Variants in CLDN10 observed in about 807,000 individuals in gnomAD.
CLDN10 encodes the protein claudin-10.
In CLDN10, 15 loss-of-function variants were observed where a neutral mutation model predicts 22.9. The ratio of observed to expected loss-of-function variants is 0.65; its 90% CI spans 0.44 to 1.01. The LOEUF is 1.01. Ranked by LOEUF, CLDN10 falls within the 50% of genes least tolerant of loss-of-function variation. CLDN10 has a pLI of 0.00. For synonymous variants in CLDN10, 114 were observed against 111.4 expected, an observed-to-expected ratio of 1.02 and a Z score of -0.15; for missense variants, 247 against 287.8, an observed-to-expected ratio of 0.86 and a Z score of 1.03.
intron 1 of CLDN10, among the ~76,000 whole-genome samples, chr13:95,525,785 C>T (rs111406705): frequency 6.6e-6 from 1 of 152,158 alleles, no homozygotes; most frequent in Non-Finnish European, 1.5e-5. Flanking sequence ...AGCTACCATG[C>T]CCAGCCCAAC....
chr13:95,523,434 T>C (rs1185085876), intron 1 of CLDN10, among the ~76,000 whole-genome samples: 3 of 152,234 alleles, frequency 2.0e-5, no homozygotes, highest in Non-Finnish European at 4.4e-5. Flanking sequence ...TTAAGTTTAC[T>C]CACACATTTG....
intron 1 of CLDN10, among the ~76,000 whole-genome samples, chr13:95,451,403 G>T (rs1210982427): frequency 2.0e-5 from 3 of 152,094 alleles, no homozygotes; most frequent in Non-Finnish European, 2.9e-5. Flanking sequence ...AGGGACTTTT[G>T]TCTTCATAGG....
chr13:95,579,730 A>T lies in CLDN10; in HGVS notation c.*1716A>T, dbSNP rs2043988254. The T allele has an allele frequency of 6.6e-6, 1 of 152,246 alleles. No homozygotes were observed. Among genetic ancestry groups the T allele is most frequent in the African/African-American group, 2.4e-5 (1 of 41,458 alleles). The allele number at this position is 152,246 out of a possible 1,614,324, so 9.4% of individuals were successfully genotyped here. ...AGGAAATGAACAAGTTTGTTAAAAG[A>T]TAAAAAATAAAAAAAATTCCATACC... On this transcript the variant is annotated 3_prime_UTR_variant, in exon 5 of 5. Coordinates refer to ENST00000299339, the MANE Select transcript of CLDN10 (RefSeq NM_006984.5).
intron 1 of CLDN10, among the ~76,000 whole-genome samples, chr13:95,537,937 A>G (rs763776166): frequency 6.6e-6 from 1 of 152,216 alleles, no homozygotes. Flanking sequence ...CTAGAACCCA[A>G]AACTACATCC....
rs139899251 is a variant in CLDN10 at position 95,515,388 on chromosome 13, C to T, written c.215-44744C>T. Among the ~76,000 whole-genome samples the T allele has an allele frequency of 7.4e-4, 112 of 152,122 alleles. 1 individual carries two copies. Among genetic ancestry groups the T allele is most frequent in the Middle Eastern group, 3.4e-3 (1 of 294 alleles). ...TAATTTTTTGTATTTTTAGTAGAGACGGGGTTTTGCCATGTTGGCCAGGCT... is the reference window on the plus strand; with the variant it reads ...TAATTTTTTGTATTTTTAGTAGAGATGGGGTTTTGCCATGTTGGCCAGGCT... On this transcript the variant is annotated intron_variant, in intron 1 of 4. Coordinates refer to the CLDN10 transcript ENST00000376873.
intron 1 of CLDN10, among the ~76,000 whole-genome samples, chr13:95,493,845 G>C (rs1314208331): frequency 6.6e-6 from 1 of 151,988 alleles, no homozygotes; most frequent in Non-Finnish European, 1.5e-5. Context: ...CAGGTGTGAG[G>C]CACCATGCCC....
chr13:95,446,055 G>C (rs769625359), intron 1 of CLDN10, among the ~76,000 whole-genome samples: 1 of 152,146 alleles, frequency 6.6e-6, no homozygotes, highest in African/African-American at 2.4e-5. Context: ...AAATATATAG[G>C]GCACAGAGTG....
In CLDN10 at chr13:95,532,500, T is replaced by C. The variant is rs548107154; in HGVS notation, c.215-27632T>C. Among the ~76,000 whole-genome samples the C allele has an allele frequency of 1.4e-3, 207 of 152,234 alleles. 1 individual carries two copies. Among genetic ancestry groups the C allele is most frequent in the African/African-American group, 4.8e-3 (199 of 41,550 alleles). ...AACAAGAGACTGATAACATCTAACG[T>C]TGGCAAGAATGTAGAGTACCTGCAA... On this transcript the variant is annotated intron_variant, in intron 1 of 4. Transcript: ENST00000376873.
intron 1 of CLDN10, among the ~76,000 whole-genome samples, chr13:95,487,553 A>G (rs1007699689): frequency 6.6e-6 from 1 of 152,224 alleles, no homozygotes; most frequent in Admixed American, 6.5e-5. Flanking sequence ...GAAATTTTTC[A>G]TTATAGAGAA....
At position 95,443,034 on chromosome 13, in the gene CLDN10, A is replaced by G. The variant is rs562382726; in HGVS notation, c.214+8987A>G. Among the ~76,000 whole-genome samples the G allele has an allele frequency of 5.4e-4, 83 of 152,336 alleles. No individual in the cohort carries two copies. In the South Asian group the frequency reaches 0.017, roughly 31 times the overall value. ...TGTTTTACGAAGTGCTTTCACATAC[A>G]TTGTCATAGTTCTCCAGAAGACTGA... is the stretch of plus-strand genomic sequence containing the variant. On this transcript the variant is annotated intron_variant, in intron 1 of 4. Coordinates refer to the CLDN10 transcript ENST00000376873.
At chr13:95,519,479 A>C (rs569400854) in intron 1 of CLDN10, among the ~76,000 whole-genome samples, 2 of 152,364 alleles carry the variant, frequency 1.3e-5, no homozygotes, top group South Asian at 4.1e-4. Context: ...AGTTAGCTAG[A>C]AGTTATACAG....
chr13:95,533,340 T>C (rs946527827), intron 1 of CLDN10, among the ~76,000 whole-genome samples: 5 of 152,104 alleles, frequency 3.3e-5, no homozygotes, highest in East Asian at 1.9e-4. Flanking sequence ...GGGTGTTTAC[T>C]GTAAAATTCA....
At chr13:95,484,865 CAAAAAAAAAAAAA>C (rs746231195) in intron 1 of CLDN10, among the ~76,000 whole-genome samples, 22 of 93,622 alleles carry the variant, frequency 2.3e-4, no homozygotes, top group East Asian at 9.6e-4. Flanking sequence ...GACCCTGTCT[CAAAAAAAAAAAAA>C]AAAAAAAAAA....
chr13:95,485,591 T>TA (rs2042796527), intron 1 of CLDN10, among the ~76,000 whole-genome samples: 1 of 152,346 alleles, frequency 6.6e-6, no homozygotes, highest in South Asian at 2.1e-4. Flanking sequence ...GAATGGCACA[T>TA]CAGGGCATTC....
Position 95,473,162 on chromosome 13 carries a change from A to AAG in CLDN10, c.214+39115_214+39116insAG, listed in dbSNP as rs1566287965. Among the ~76,000 whole-genome samples the AAG allele has an allele frequency of 1.9e-4, 14 of 73,404 alleles. No homozygotes were observed. In the African/African-American group the frequency reaches 2.3e-3, roughly 12 times the overall value. The allele number at this position is 73,404 out of a possible 152,430, so 48.2% of individuals were successfully genotyped here. On this transcript the variant is annotated intron_variant, in intron 1 of 4. Transcript: ENST00000376873. The stretch of plus-strand genomic sequence containing the variant: ...CTCAAAAAAAAAAAAAAAAAAAAGG[A>AAG]GAGAGAGAGAGAATCAAGGGTCTCT...
intron 1 of CLDN10, among the ~76,000 whole-genome samples, chr13:95,454,068 C>G (rs927349342): frequency 6.6e-6 from 1 of 152,120 alleles, no homozygotes; most frequent in South Asian, 2.1e-4. Context: ...AAGATCTACC[C>G]GCAACCAGGT....
At chr13:95,494,902 A>T (rs1243218050) in intron 1 of CLDN10, among the ~76,000 whole-genome samples, 1 of 152,014 alleles carries the variant, frequency 6.6e-6, no homozygotes, top group East Asian at 1.9e-4. Context: ...CAGCAATCTC[A>T]CCTTCTCCCC....
chr13:95,504,862 T>C (rs4773912), intron 1 of CLDN10, among the ~76,000 whole-genome samples: 73,257 of 151,940 alleles, frequency 0.48, 18,089 homozygotes, highest in Non-Finnish European at 0.53. Flanking sequence ...TAAAAAGCAT[T>C]CATTTTGATT....
chr13:95,475,452 C>G (rs1202761273), intron 1 of CLDN10, among the ~76,000 whole-genome samples: 1 of 152,224 alleles, frequency 6.6e-6, no homozygotes, highest in Non-Finnish European at 1.5e-5. Flanking sequence ...GATGCCCCAG[C>G]CAATTCTCGG....
Sources: gnomAD v4.1 joint callset for allele counts (sites outside exome capture counted in the v4.1 genomes callset) on GRCh38, gnomAD v4.1.1 for gene constraint, MANE v1.5 for transcripts, NCBI Gene and HGNC (gene_info 2026-07-23, HGNC 2026-07-21) for gene names.